Variants in EBF1 observed in about 807,000 individuals in gnomAD.
EBF1 encodes the protein transcription factor COE1.
A neutral mutation model predicts 68.4 loss-of-function variants in EBF1; 10 were observed. The observed-to-expected ratio is 0.15, with a 90% CI of 0.09 to 0.25. The LOEUF is 0.25. Among genes scored for constraint, EBF1 ranks in the 10% least tolerant of loss-of-function variants. The probability of loss-of-function intolerance (pLI) is 1.00; values close to 1 mark genes in which losing one functional copy is unlikely to be tolerated. For synonymous variants in EBF1, 298 were observed against 299.8 expected (o/e 0.99, Z 0.06); for missense variants, 509 against 794.4 (o/e 0.64, Z 4.32).
chr5:159,028,544 G>A (rs1768146372), intron 6 of EBF1, among the ~76,000 whole-genome samples: 1 of 152,244 alleles, frequency 6.6e-6, no homozygotes. Context: ...CCATTCTACG[G>A]GTGGGGGTGA....
intron 6 of EBF1, among the ~76,000 whole-genome samples, chr5:158,897,848 A>G (rs1199819131): frequency 1.3e-5 from 2 of 152,188 alleles, no homozygotes; most frequent in Non-Finnish European, 2.9e-5. Context: ...TCTTGTCTCC[A>G]ACAGTGAAGA....
Position 159,073,456 on chromosome 5 carries a change from C to CA in EBF1, c.493dup (p.Cys165LeufsTer2). On this transcript the variant is annotated frameshift_variant, in exon 6 of 16. Transcript: ENST00000313708. LOFTEE classifies it high-confidence loss of function. Reference sequence around the variant, plus strand: ...TCGGTTGCCACAGCTTTTCTTGTCACAACAGCGGCTATGGAGCAAAAGCGA... The same window carrying CA: ...TCGGTTGCCACAGCTTTTCTTGTCACAAACAGCGGCTATGGAGCAAAAGCGA... The CA allele has an allele frequency of 6.2e-7, 1 of 1,614,102 alleles. No homozygotes were observed. The highest frequency in any genetic ancestry group is 8.5e-7 in the Non-Finnish European group (1 of 1,179,968).
At position 158,725,341 on chromosome 5, in the gene EBF1, C is replaced by T. The variant is rs562790254; in HGVS notation, c.1125+5728G>A. Among the ~76,000 whole-genome samples the T allele has an allele frequency of 1.6e-4, 24 of 152,316 alleles. No individual in the cohort carries two copies. The South Asian group carries it at 4.8e-3, about 30-fold the overall frequency. The stretch of plus-strand genomic sequence containing the variant: ...GTGTTCACCTCCCTTATAATTCCAA[C>T]CTACTGCACAGCCAGCCACACTGGT... On this transcript the variant is annotated intron_variant, in intron 11 of 15. Coordinates refer to ENST00000313708, the MANE Select transcript of EBF1 (RefSeq NM_024007.5).
At chr5:158,778,941 C>A (rs953816574) in intron 9 of EBF1, among the ~76,000 whole-genome samples, 1 of 152,040 alleles carries the variant, frequency 6.6e-6, no homozygotes, top group African/African-American at 2.4e-5. Context: ...TATTCCGCTT[C>A]TTTGTCTTTT....
intron 6 of EBF1, among the ~76,000 whole-genome samples, chr5:158,967,385 A>G (rs1408020040): frequency 3.9e-5 from 6 of 152,198 alleles, no homozygotes. Context: ...GCCCTTTTCT[A>G]TGGAACACAA....
In EBF1 at chr5:158,751,554, T is replaced by C. The variant is rs1768907238; in HGVS notation, c.1037-20397A>G. ...TGAGGAAAGAGTACAGTGGAACAGT[T>C]AAGAGGATGAATTCTGGAGTCAGAC... On this transcript the variant is annotated intron_variant, in intron 10 of 15. Coordinates refer to ENST00000313708, the MANE Select transcript of EBF1 (RefSeq NM_024007.5). Among the ~76,000 whole-genome samples the C allele has an allele frequency of 2.0e-5, 3 of 152,184 alleles. No homozygotes were observed. In the South Asian group the frequency reaches 6.2e-4, roughly 32 times the overall value.
intron 6 of EBF1, among the ~76,000 whole-genome samples, chr5:158,853,630 G>C (rs1157761953): frequency 6.6e-6 from 1 of 152,066 alleles, no homozygotes; most frequent in Non-Finnish European, 1.5e-5. Context: ...AAGTGGAGAA[G>C]GAGGTGTGCT....
At chr5:158,924,788 G>C (rs903282292) in intron 6 of EBF1, among the ~76,000 whole-genome samples, 2 of 141,844 alleles carry the variant, frequency 1.4e-5, no homozygotes, top group African/African-American at 5.4e-5. Flanking sequence ...AGGAGGCGCA[G>C]CTTGTGGTGA....
At chr5:158,900,544 C>A (rs1442138260) in intron 6 of EBF1, among the ~76,000 whole-genome samples, 1 of 152,096 alleles carries the variant, frequency 6.6e-6, no homozygotes, top group East Asian at 1.9e-4. Flanking sequence ...TTTTTTTCAA[C>A]AAGGCAGCTA....
intron 10 of EBF1, among the ~76,000 whole-genome samples, chr5:158,776,226 A>G (rs1407415013): frequency 6.6e-6 from 1 of 152,064 alleles, no homozygotes; most frequent in Non-Finnish European, 1.5e-5. Context: ...ACTAATCGTC[A>G]GGCAGGCACC....
chr5:158,765,480 A>G (rs564547258), intron 10 of EBF1, among the ~76,000 whole-genome samples: 19 of 152,360 alleles, frequency 1.2e-4, no homozygotes, highest in South Asian at 1.0e-3. Flanking sequence ...AATTAACTCC[A>G]TAATGACTGG....
At chr5:159,054,905 ATTTTCTT>A (rs2127836116) in intron 6 of EBF1, among the ~76,000 whole-genome samples, 1 of 152,232 alleles carries the variant, frequency 6.6e-6, no homozygotes, top group South Asian at 2.1e-4. Flanking sequence ...CAAGCCTACA[ATTTTCTT>A]TTTACTAGAT....
intron 6 of EBF1, among the ~76,000 whole-genome samples, chr5:158,992,043 T>G (rs924148657): frequency 6.6e-6 from 1 of 152,186 alleles, no homozygotes; most frequent in Non-Finnish European, 1.5e-5. Context: ...TACTAAATCC[T>G]GCTTGGCTCA....
At chr5:158,803,732 A>T (rs1445783847) in intron 8 of EBF1, among the ~76,000 whole-genome samples, 1 of 151,544 alleles carries the variant, frequency 6.6e-6, no homozygotes, top group African/African-American at 2.4e-5. Flanking sequence ...CCTTTATAAC[A>T]CTTATGCTGT....
chr5:158,797,547 G>A (rs140265222), intron 8 of EBF1, among the ~76,000 whole-genome samples: 1,578 of 152,220 alleles, frequency 0.01, 11 homozygotes, highest in Middle Eastern at 0.054. Context: ...GCCAATGAGA[G>A]CACTAGTTAA....
chr5:158,885,572 T>A (rs970447956), intron 6 of EBF1, among the ~76,000 whole-genome samples: 1 of 152,092 alleles, frequency 6.6e-6, no homozygotes, highest in African/African-American at 2.4e-5. Flanking sequence ...CACACAATCA[T>A]CATCATATCA....
At chr5:159,050,393 C>T (rs1773348268) in intron 6 of EBF1, among the ~76,000 whole-genome samples, 1 of 152,198 alleles carries the variant, frequency 6.6e-6, no homozygotes, top group Non-Finnish European at 1.5e-5. Flanking sequence ...AAGGGACTGT[C>T]TCCCCTCCTG....
At chr5:158,897,740 C>T (rs988860638) in intron 6 of EBF1, among the ~76,000 whole-genome samples, 37 of 152,184 alleles carry the variant, frequency 2.4e-4, no homozygotes, top group African/African-American at 8.4e-4. Context: ...CAAGACTTAG[C>T]TTCAAGTTCA....
chr5:158,728,732 G>GT (rs1015391135), intron 11 of EBF1, among the ~76,000 whole-genome samples: 73 of 151,868 alleles, frequency 4.8e-4, no homozygotes, highest in African/African-American at 9.7e-4. Context: ...CCTAGCTAAC[G>GT]TTTTTTTTAG....
Sources: allele counts gnomAD v4.1 joint callset (sites outside exome capture counted in the v4.1 genomes callset), GRCh38; gene constraint gnomAD v4.1.1; transcripts MANE v1.5; gene names NCBI Gene and HGNC (gene_info 2026-07-23, HGNC 2026-07-21).